The following ZSCAN10 variants were observed in gnomAD, a reference collection of about 807,000 sequenced individuals.
ZSCAN10 encodes the protein zinc finger and SCAN domain containing 10.
ZSCAN10 carries 52 observed loss-of-function variants against 63.7 expected under a neutral mutation model. That is an observed-to-expected ratio of 0.82 (90% CI 0.65 to 1.03). The LOEUF is 1.03. Ranked by LOEUF, ZSCAN10 falls within the 50% of genes least tolerant of loss-of-function variation. ZSCAN10 has a pLI of 0.00. For synonymous variants in ZSCAN10, 544 were observed against 479.6 expected, an observed-to-expected ratio of 1.13 and a Z score of -1.76; for missense variants, 1,223 against 1,103.8, an observed-to-expected ratio of 1.11 and a Z score of -1.53.
rs772666527 is a variant in ZSCAN10, at chr16:3,090,314, G to A, written c.1120C>T (p.Arg374Cys). The change falls in exon 6 of 6, where the codon CGC (arginine) becomes TGC (cysteine). Residue 374 changes from arginine to cysteine, a missense_variant. By Grantham distance (180) the Arg-to-Cys change is radical. Transcript: ENST00000576985. ...AHQLRSHPAG[R>C]SFLCLCCGKS... The stretch of plus-strand genomic sequence containing the variant: ...CCGCAGCAAAGGCACAGGAAGGAGC[G>A]CCCAGCCGGGTGCGAGCGCAGCTGG... 8.1e-6 allele frequency: 13 copies of A among 1,609,192 alleles called. No individual in the cohort carries two copies. Among genetic ancestry groups the A allele is most frequent in the African/African-American group, 1.3e-5 (1 of 74,774 alleles).
Position 3,090,342 on chromosome 16 carries a change from C to G in ZSCAN10, c.1092G>C (p.Ala364=). Residue 364 remains alanine (A), a synonymous_variant, in exon 6 of 6, where the codon GCG becomes GCC. Coordinates refer to ENST00000576985, the MANE Select transcript of ZSCAN10 (RefSeq NM_032805.3). Reference sequence around the variant, plus strand: ...CAGCCGGGTGCGAGCGCAGCTGGTGCGCCTTCAGGCGAGACAGCTGCGGGA... The same window carrying G: ...CAGCCGGGTGCGAGCGCAGCTGGTGGGCCTTCAGGCGAGACAGCTGCGGGA... The part of the protein sequence containing the change: ...VSFPQLSRLK[A]HQLRSHPAGR... 1 of 1,610,780 alleles carries G rather than the reference C, an allele frequency of 6.2e-7. No homozygotes were observed. Among genetic ancestry groups the G allele is most frequent in the Non-Finnish European group, 8.5e-7 (1 of 1,178,734 alleles).
Position 3,090,481 on chromosome 16 carries a change from C to G in ZSCAN10, c.953G>C (p.Gly318Ala), listed in dbSNP as rs776684114. The change falls in exon 6 of 6, where the codon GGT (glycine) becomes GCT (alanine). Residue 318 changes from glycine to alanine, a missense_variant. By Grantham distance (60) the Gly-to-Ala change is moderately conservative (BLOSUM62 0). Coordinates refer to ENST00000576985, the MANE Select transcript of ZSCAN10 (RefSeq NM_032805.3). Reference protein sequence around the residue: ...LGRGAAASGPGEDGSLLGSSE... With the variant: ...LGRGAAASGPAEDGSLLGSSE... ...GCTGCCAAGAAGGGACCCATCTTCACCAGGGCCGCTAGCCGCAGCGCCCCG... is the reference window on the plus strand; with the variant it reads ...GCTGCCAAGAAGGGACCCATCTTCAGCAGGGCCGCTAGCCGCAGCGCCCCG... 8 of 1,613,574 alleles carry G rather than the reference C, an allele frequency of 5.0e-6. No individual in the cohort carries two copies. Among genetic ancestry groups the G allele is most frequent in the Non-Finnish European group, 6.8e-6 (8 of 1,179,864 alleles).
chr16:3,090,423 G>T lies in ZSCAN10; in HGVS notation c.1011C>A (p.Gly337=). 3 of 1,613,798 alleles carry T rather than the reference G, an allele frequency of 1.9e-6. No homozygotes were observed. Among genetic ancestry groups the T allele is most frequent in the Non-Finnish European group, 2.5e-6 (3 of 1,179,962 alleles). The change falls in exon 6 of 6, where the codon GGC becomes GGA. Residue 337 remains glycine, a synonymous_variant. Coordinates refer to ENST00000576985, the MANE Select transcript of ZSCAN10 (RefSeq NM_032805.3). ...SEILEVKVAE[G]VPEPNPELQF... is the part of the protein sequence containing the mutation. ...GCAACTCCGGATTGGGCTCGGGGAC[G>T]CCCTCAGCCACTTTGACCTCCAAAA... is the stretch of plus-strand genomic sequence containing the variant.
chr16:3,089,508 G>A lies in ZSCAN10; in HGVS notation c.1926C>T (p.Gly642=). ...KPCRCSECGE[G]FSQSAHLARH... is the part of the protein sequence containing the mutation. ...GCGCCAGGTGGGCGCTCTGGCTGAA[G>A]CCCTCACCGCACTCGCTGCAGCGGC... Residue 642 remains glycine, a synonymous_variant, in exon 6 of 6, where the codon GGC becomes GGT. Coordinates refer to ENST00000576985, the MANE Select transcript of ZSCAN10 (RefSeq NM_032805.3). 1 of 1,602,396 alleles carries A rather than the reference G, an allele frequency of 6.2e-7. No individual in the cohort carries two copies. Among genetic ancestry groups the A allele is most frequent in the Non-Finnish European group, 8.5e-7 (1 of 1,175,826 alleles).
At position 3,092,580 on chromosome 16, in the gene ZSCAN10, C is replaced by CGAG. The variant is rs774434685; in HGVS notation, c.355_357dup (p.Leu119dup). 1 of 1,575,454 alleles carries CGAG rather than the reference C, an allele frequency of 6.3e-7. No individual in the cohort carries two copies. The highest frequency in any genetic ancestry group is 8.6e-7 in the Non-Finnish European group (1 of 1,162,048). ...TGGCTGGGCTCCCGGTGGATGCCCT[C>CGAG]GAGCAGCAGCACCACCTCCTCCCCA... On this transcript the variant is annotated inframe_insertion, in exon 2 of 6. Coordinates refer to ENST00000576985, the MANE Select transcript of ZSCAN10 (RefSeq NM_032805.3).
Position 3,090,122 on chromosome 16 carries a change from C to T in ZSCAN10, c.1312G>A (p.Gly438Ser), listed in dbSNP as rs755062060. The T allele has an allele frequency of 4.4e-6, 7 of 1,599,938 alleles. No individual in the cohort carries two copies. Among genetic ancestry groups the T allele is most frequent in the South Asian group, 1.1e-5 (1 of 90,362 alleles). The change falls in exon 6 of 6, where the codon GGC (glycine) becomes AGC (serine). Residue 438 changes from glycine to serine, a missense_variant. Coordinates refer to ENST00000576985, the MANE Select transcript of ZSCAN10 (RefSeq NM_032805.3). ...SEPAFLCAEC[G>S]RGFQRRASLV... is the part of the protein sequence containing the mutation. ...CTGGCGCGGCGCTGGAAGCCGCGGC[C>T]GCACTCTGCGCACAGGAAGGCGGGT...
At chr16:3,091,898 G>A in intron 3 of ZSCAN10, 70 bp from the exon 4 acceptor site, 1 of 1,593,184 alleles carries the variant, frequency 6.3e-7, no homozygotes, top group Non-Finnish European at 8.6e-7. Flanking sequence ...TGGCTGCAAG[G>A]ACACACACCG....
At position 3,092,542 on chromosome 16, in the gene ZSCAN10, C is replaced by T. The variant is rs922365450; in HGVS notation, c.396G>A (p.Leu132=). 3 of 1,515,616 alleles carry T rather than the reference C, an allele frequency of 2.0e-6. No individual in the cohort carries two copies. Among genetic ancestry groups the T allele is most frequent in the Admixed American group, 2.1e-5 (1 of 47,238 alleles). The allele number at this position is 1,515,616 out of a possible 1,614,324, so 93.9% of individuals were successfully genotyped here. A position where few individuals can be genotyped will look rare whatever the true frequency, so the allele number is the denominator to read the frequency against. ...IHREPSHAGP[L]DFSCNAGKSC... Reference sequence around the variant, plus strand: ...TCAGCCCGCTGCCCCACCCTCTCACCAGCGGCCCCGCGTGGCTGGGCTCCC... The same window carrying T: ...TCAGCCCGCTGCCCCACCCTCTCACTAGCGGCCCCGCGTGGCTGGGCTCCC... Residue 132 remains leucine, a splice_region_variant and synonymous_variant, in exon 2 of 6, where the codon CTG becomes CTA. Coordinates refer to ENST00000576985, the MANE Select transcript of ZSCAN10 (RefSeq NM_032805.3).
chr16:3,091,842 G>A lies in ZSCAN10; in HGVS notation c.665-14C>T. 1 of 1,574,674 alleles carries A rather than the reference G, an allele frequency of 6.4e-7. No homozygotes were observed. The highest frequency in any genetic ancestry group is 8.6e-7 in the Non-Finnish European group (1 of 1,160,306). On this transcript the variant is annotated splice_polypyrimidine_tract_variant and intron_variant, in intron 3 of 5. Coordinates refer to ENST00000576985, the MANE Select transcript of ZSCAN10 (RefSeq NM_032805.3). ...GGCCCTGGGGACCTGACGGCATTGG[G>A]GAAGAGGGGAGGAAGTGCTGTTAGA...
In ZSCAN10 at chr16:3,089,215, A is replaced by G. The variant is rs563054332; in HGVS notation, c.2219T>C (p.Leu740Pro). The G allele has an allele frequency of 1.9e-6, 3 of 1,583,406 alleles. No individual in the cohort carries two copies. Among genetic ancestry groups the G allele is most frequent in the African/African-American group, 2.7e-5 (2 of 74,106 alleles). The part of the protein sequence containing the change: ...GKSFSRSCNL[L>P]RHLLVHTGAR... ...GCCCGTGTGCACCAGCAGGTGTCGC[A>G]GCAGATTGCAGCTGCGGCTGAAGCT... Residue 740 changes from leucine to proline, a missense_variant, in exon 6 of 6, where the codon CTG becomes CCG. Coordinates refer to ENST00000576985, the MANE Select transcript of ZSCAN10 (RefSeq NM_032805.3).
At chr16:3,091,063 C>G (rs780436021) in intron 5 of ZSCAN10, among the ~76,000 whole-genome samples, 2 of 151,934 alleles carry the variant, frequency 1.3e-5, no homozygotes, top group Non-Finnish European at 2.9e-5. Context: ...CAGTGAGACT[C>G]TGTCTGAAAA....
rs145367068 is a variant in ZSCAN10 at position 3,088,948 on chromosome 16, A to T, written c.*143T>A. The T allele has an allele frequency of 3.0e-6, 4 of 1,355,574 alleles. No individual in the cohort carries two copies. The African/African-American group carries it at 6.2e-5, about 21-fold the overall frequency. 84.0% of individuals were successfully genotyped at this position (1,355,574 alleles called of 1,614,324 possible). On this transcript the variant is annotated 3_prime_UTR_variant, in exon 6 of 6. Transcript: ENST00000576985. ...AATTACATAGCTGAGGCCAGAAAGC[A>T]ATGCCTCGGCCAGGGAAGGACAGCT...
At chr16:3,095,627 G>T (rs1957143198) in intron 1 of ZSCAN10, among the ~76,000 whole-genome samples, 1 of 151,886 alleles carries the variant, frequency 6.6e-6, no homozygotes, top group Non-Finnish European at 1.5e-5. Context: ...AGGAGATCGA[G>T]ACCATCCTGG....
At position 3,090,445 on chromosome 16, in the gene ZSCAN10, A is replaced by G. The variant is rs778668211; in HGVS notation, c.989T>C (p.Leu330Ser). 6 of 1,613,862 alleles carry G rather than the reference A, an allele frequency of 3.7e-6. No homozygotes were observed. In the South Asian group the frequency reaches 6.6e-5, roughly 18 times the overall value. Residue 330 changes from leucine to serine, a missense_variant, in exon 6 of 6, where the codon TTG (leucine) becomes TCG (serine). Transcript: ENST00000576985. Reference sequence around the variant, plus strand: ...GACGCCCTCAGCCACTTTGACCTCCAAAATTTCACTGCTGCCAAGAAGGGA... The same window carrying G: ...GACGCCCTCAGCCACTTTGACCTCCGAAATTTCACTGCTGCCAAGAAGGGA... Reference protein sequence around the residue: ...DGSLLGSSEILEVKVAEGVPE... With the variant: ...DGSLLGSSEISEVKVAEGVPE...
chr16:3,092,526 T>C lies in ZSCAN10; in HGVS notation c.396+16A>G, dbSNP rs1957097316. ...ATCATCCGCATGCTGCTCAGCCCGC[T>C]GCCCCACCCTCTCACCAGCGGCCCC... On this transcript the variant is annotated intron_variant, in intron 2 of 5. Coordinates refer to ENST00000576985, the MANE Select transcript of ZSCAN10 (RefSeq NM_032805.3). 1 of 1,491,536 alleles carries C rather than the reference T, an allele frequency of 6.7e-7. No individual in the cohort carries two copies. Among genetic ancestry groups the C allele is most frequent in the African/African-American group, 1.4e-5 (1 of 71,690 alleles). 92.4% of individuals were successfully genotyped at this position (1,491,536 alleles called of 1,614,324 possible).
In ZSCAN10 at chr16:3,089,325, C is replaced by T; in HGVS notation, c.2109G>A (p.Ala703=). The change falls in exon 6 of 6, where the codon GCG becomes GCA. Residue 703 remains alanine (A), a synonymous_variant. Transcript: ENST00000576985. ...QTCGRSFRRN[A]HLRRHLATHA... is the part of the protein sequence containing the mutation. ...GGGTAGCCAGGTGCCGCCGCAGATG[C>T]GCGTTGCGCCGGAAGCTGCGACCGC... 1 of 1,580,972 alleles carries T rather than the reference C, an allele frequency of 6.3e-7. No homozygotes were observed. The highest frequency in any genetic ancestry group is 1.4e-5 in the African/African-American group (1 of 74,032).
At chr16:3,098,318 G>A (rs960578730) in intron 1 of ZSCAN10, among the ~76,000 whole-genome samples, 2 of 152,114 alleles carry the variant, frequency 1.3e-5, no homozygotes, top group African/African-American at 2.4e-5. Context: ...TTTGCACTTG[G>A]TGACATGCTC....
Position 3,092,709 on chromosome 16 carries a change from G to C in ZSCAN10, c.229C>G (p.Leu77Val), listed in dbSNP as rs1365815339. The change falls in exon 2 of 6, where the codon CTG becomes GTG. Residue 77 changes from leucine to valine, a missense_variant. Physicochemically the swap from Leu to Val is conservative, Grantham distance 32. Coordinates refer to ENST00000576985, the MANE Select transcript of ZSCAN10 (RefSeq NM_032805.3). ...TCCAGGATCTGTTTCTTGGTGTGCA[G>C]AGCCGGCCGCAGCCAGTGGCCGCAG... ...ELCGHWLRPALHTKKQILELL... is the reference protein window; with the variant it reads ...ELCGHWLRPAVHTKKQILELL... The C allele has an allele frequency of 6.2e-7, 1 of 1,613,248 alleles. No homozygotes were observed. The highest frequency in any genetic ancestry group is 1.7e-5 in the Admixed American group (1 of 59,992).
chr16:3,092,624 T>C lies in ZSCAN10; in HGVS notation c.314A>G (p.Gln105Arg). Reference sequence around the variant, plus strand: ...CTCCCCATCCCTGAGCGGCTGCCCCTGCAGGCGGCCCAGGAGGTGCGGAGG... The same window carrying C: ...CTCCCCATCCCTGAGCGGCTGCCCCCGCAGGCGGCCCAGGAGGTGCGGAGG... ...VLPPHLLGRL[Q>R]GQPLRDGEEV... Residue 105 changes from glutamine (Q) to arginine (R), a missense_variant, in exon 2 of 6, where the codon CAG (glutamine) becomes CGG (arginine). Physicochemically the swap from Gln to Arg is conservative, Grantham distance 43. Coordinates refer to ENST00000576985, the MANE Select transcript of ZSCAN10 (RefSeq NM_032805.3). 1 of 1,607,046 alleles carries C rather than the reference T, an allele frequency of 6.2e-7. No individual in the cohort carries two copies. The highest frequency in any genetic ancestry group is 1.3e-5 in the African/African-American group (1 of 74,942).
Sources: gnomAD v4.1 joint callset for allele counts (sites outside exome capture counted in the v4.1 genomes callset) on GRCh38, gnomAD v4.1.1 for gene constraint, MANE v1.5 for transcripts, NCBI Gene and HGNC (gene_info 2026-07-23, HGNC 2026-07-21) for gene names.